Variants in GLI3 observed in about 807,000 individuals in gnomAD.
GLI3 encodes the protein transcription activator GLI3.
A neutral mutation model predicts 100.8 loss-of-function variants in GLI3; 20 were observed. The ratio of observed to expected loss-of-function variants is 0.20; its 90% confidence interval spans 0.14 to 0.29. The LOEUF (loss-of-function observed/expected upper bound fraction) is 0.29, where lower values mean the gene tolerates loss of function less well. Ranked by LOEUF, GLI3 falls within the 10% of genes least tolerant of loss-of-function variation. The probability of loss-of-function intolerance (pLI) is 1.00; values close to 1 mark genes in which losing one functional copy is unlikely to be tolerated. For missense variants in GLI3, 2,040 were observed against 2,128.5 expected, an observed-to-expected ratio of 0.96 and a Z score of 0.82; for synonymous variants, 938 against 860.5, an observed-to-expected ratio of 1.09 and a Z score of -1.58.
chr7:42,128,825 A>T (rs1377984836), intron 3 of GLI3, among the ~76,000 whole-genome samples: 1 of 151,964 alleles, frequency 6.6e-6, no homozygotes, highest in African/African-American at 2.4e-5. Flanking sequence ...TCCTGTTATC[A>T]CCCTGTGCGG....
chr7:42,093,319 CA>C (rs1417785161), intron 3 of GLI3, among the ~76,000 whole-genome samples: 1 of 147,716 alleles, frequency 6.8e-6, no homozygotes, highest in East Asian at 2.0e-4. Context: ...GCGGCGGTTG[CA>C]GTGAGCTGAG....
At chr7:42,066,061 A>T (rs532027265) in intron 4 of GLI3, among the ~76,000 whole-genome samples, 35 of 152,336 alleles carry the variant, frequency 2.3e-4, no homozygotes, top group African/African-American at 7.2e-4. Flanking sequence ...TGGAAGAATT[A>T]GGAGACTTGT....
chr7:42,063,980 G>T (rs750951307), intron 4 of GLI3, among the ~76,000 whole-genome samples: 22 of 152,154 alleles, frequency 1.4e-4, no homozygotes, highest in Admixed American at 1.3e-3. Context: ...GAAAAGGATG[G>T]TATGGTTATC....
intron 10 of GLI3, among the ~76,000 whole-genome samples, chr7:41,994,695 G>A (rs1400922581): frequency 2.0e-5 from 3 of 152,170 alleles, no homozygotes; most frequent in Non-Finnish European, 4.4e-5. Context: ...CCCCACCAAA[G>A]TAAGAATTTC....
At chr7:42,107,974 G>A (rs754469532) in intron 3 of GLI3, among the ~76,000 whole-genome samples, 2 of 152,180 alleles carry the variant, frequency 1.3e-5, no homozygotes, top group Non-Finnish European at 2.9e-5. Context: ...ATCCAAAGGG[G>A]TTTTATGTGC....
chr7:42,020,100 G>A (rs1788893805), intron 10 of GLI3, among the ~76,000 whole-genome samples: 1 of 152,176 alleles, frequency 6.6e-6, no homozygotes, highest in Admixed American at 6.5e-5. Context: ...AAATAAAGGA[G>A]AAGAGAAAGG....
chr7:42,203,515 T>C (rs566962091), intron 2 of GLI3, among the ~76,000 whole-genome samples: 24 of 152,328 alleles, frequency 1.6e-4, no homozygotes, highest in Non-Finnish European at 3.5e-4. Flanking sequence ...TCACTTGACA[T>C]AATGTCCTCC....
chr7:41,978,841 A>C, intron 10 of GLI3, 93 bp from the exon 11 acceptor site: 1 of 1,095,562 alleles, frequency 9.1e-7, no homozygotes, highest in Non-Finnish European at 1.4e-6. Context: ...CCCCAATCTT[A>C]AAAATTCTAA....
chr7:42,192,878 C>T (rs1787854635), intron 2 of GLI3, among the ~76,000 whole-genome samples: 1 of 152,110 alleles, frequency 6.6e-6, no homozygotes, highest in Non-Finnish European at 1.5e-5. Context: ...GCATCTTGTC[C>T]TCTAATTACG....
chr7:41,971,843 T>G (rs1363208896), intron 13 of GLI3, among the ~76,000 whole-genome samples: 7 of 152,226 alleles, frequency 4.6e-5, no homozygotes, highest in African/African-American at 1.7e-4. Flanking sequence ...CTGCCCCGAC[T>G]GACCGGCAGT....
At chr7:42,061,159 T>A (rs1784560551) in intron 4 of GLI3, among the ~76,000 whole-genome samples, 1 of 152,216 alleles carries the variant, frequency 6.6e-6, no homozygotes, top group Non-Finnish European at 1.5e-5. Flanking sequence ...GTTCCAACTA[T>A]TTAATCCTTG....
intron 10 of GLI3, among the ~76,000 whole-genome samples, chr7:41,993,468 T>C (rs574678563): frequency 9.2e-5 from 14 of 152,310 alleles, no homozygotes; most frequent in Non-Finnish European, 1.5e-4. Flanking sequence ...AGCCCTACCC[T>C]GCTGCTCTCC....
At chr7:42,183,441 G>A (rs149216561) in intron 2 of GLI3, among the ~76,000 whole-genome samples, 24 of 152,240 alleles carry the variant, frequency 1.6e-4, no homozygotes, top group African/African-American at 5.8e-4. Flanking sequence ...GAGGCACCTC[G>A]TCATTACCTT....
At chr7:42,142,775 C>CAA (rs776578172) in intron 3 of GLI3, among the ~76,000 whole-genome samples, 3 of 131,528 alleles carry the variant, frequency 2.3e-5, no homozygotes, top group African/African-American at 8.3e-5. Context: ...CTAAAAAATA[C>CAA]AAAAAAAAAA....
Position 42,201,206 on chromosome 7 carries a change from A to ATC in GLI3, c.124+21922_124+21923dup, listed in dbSNP as rs58135860. Among the ~76,000 whole-genome samples the ATC allele has an allele frequency of 4.0e-3, 606 of 151,634 alleles. 3 individuals carry two copies. Among genetic ancestry groups the ATC allele is most frequent in the African/African-American group, 0.013 (540 of 41,416 alleles). On this transcript the variant is annotated intron_variant, in intron 2 of 14. Coordinates refer to ENST00000395925, the MANE Select transcript of GLI3 (RefSeq NM_000168.6). ...GTAATAAGTTATATGAATGTGATAT[A>ATC]TCTCTCTCTCTCTCTGTCTCTTTCT... is the stretch of plus-strand genomic sequence containing the variant.
chr7:42,081,976 C>G (rs1413549307), intron 3 of GLI3, among the ~76,000 whole-genome samples: 8 of 152,008 alleles, frequency 5.3e-5, no homozygotes, highest in East Asian at 1.9e-4. Flanking sequence ...TCATCTCAAT[C>G]AGCTAGGGAT....
intron 4 of GLI3, among the ~76,000 whole-genome samples, chr7:42,075,707 T>C (rs1341044012): frequency 6.6e-6 from 1 of 152,224 alleles, no homozygotes; most frequent in African/African-American, 2.4e-5. Context: ...TCCAGGCAAA[T>C]CTGCTCTGAA....
At chr7:42,042,422 T>C (rs755076877) in intron 6 of GLI3, among the ~76,000 whole-genome samples, 3 of 152,190 alleles carry the variant, frequency 2.0e-5, no homozygotes, top group Admixed American at 6.5e-5. Flanking sequence ...AATTTCATCA[T>C]GGAAGTTTTT....
chr7:42,037,140 C>G lies in GLI3; in HGVS notation c.1028+2898G>C, dbSNP rs138523080. Reference sequence around the variant, plus strand: ...TGGGCAAAAGAGTGAAACTCTGTCTCAAAAAAAAATAATAATAATAATAAC... The same window carrying G: ...TGGGCAAAAGAGTGAAACTCTGTCTGAAAAAAAAATAATAATAATAATAAC... On this transcript the variant is annotated intron_variant, in intron 7 of 14. Transcript: ENST00000395925. Among the ~76,000 whole-genome samples the G allele has an allele frequency of 2.5e-4, 37 of 150,668 alleles. No individual in the cohort carries two copies. The East Asian group carries it at 5.8e-3, about 24-fold the overall frequency.
Sources: allele counts gnomAD v4.1 joint callset (sites outside exome capture counted in the v4.1 genomes callset), GRCh38; gene constraint gnomAD v4.1.1; transcripts MANE v1.5; gene names NCBI Gene and HGNC (gene_info 2026-07-23, HGNC 2026-07-21).